MYO16: variants seen among roughly 807,000 people sequenced by gnomAD.
MYO16 encodes the protein unconventional myosin-XVI.
MYO16 carries 94 observed loss-of-function variants against 205.3 expected under a neutral mutation model. The observed-to-expected ratio is 0.46, with a 90% CI of 0.39 to 0.54. The LOEUF is 0.54. MYO16 is among the 20% of genes least tolerant of loss of function. MYO16 has a pLI of 0.00. For missense variants in MYO16, 2,315 were observed against 2,387.5 expected (o/e 0.97, Z 0.63); for synonymous variants, 988 against 954.0 (o/e 1.04, Z -0.66).
In MYO16 at chr13:108,682,391, C is replaced by T. The variant is rs559116773; in HGVS notation, c.292+16242C>T. Among the ~76,000 whole-genome samples, 44 of 151,570 alleles carry T rather than the reference C, an allele frequency of 2.9e-4. 2 individuals are homozygous for T. The highest frequency in any genetic ancestry group is 9.7e-4 in the African/African-American group (40 of 41,302). On this transcript the variant is annotated intron_variant, in intron 2 of 34. Coordinates refer to ENST00000457511, the MANE Select transcript of MYO16 (RefSeq NM_001198950.3). Reference sequence around the variant, plus strand: ...TCCCACAATGTCAGGCTTTTACTGACGTTACTTCAATCACGGGCTGCATGG... The same window carrying T: ...TCCCACAATGTCAGGCTTTTACTGATGTTACTTCAATCACGGGCTGCATGG...
chr13:108,949,621 G>C (rs117851815), intron 16 of MYO16, among the ~76,000 whole-genome samples: 1 of 152,126 alleles, frequency 6.6e-6, no homozygotes, highest in Non-Finnish European at 1.5e-5. Flanking sequence ...TATAGGTTTA[G>C]TGTAATTCCT....
chr13:108,963,689 C>A (rs1883676071), intron 19 of MYO16, among the ~76,000 whole-genome samples: 2 of 152,336 alleles, frequency 1.3e-5, no homozygotes, highest in African/African-American at 2.4e-5. Context: ...CCACTGGCAC[C>A]CTTGCCTCCA....
chr13:108,745,466 C>T (rs1219599099), intron 4 of MYO16, among the ~76,000 whole-genome samples: 1 of 151,938 alleles, frequency 6.6e-6, no homozygotes, highest in Non-Finnish European at 1.5e-5. Context: ...CAGAGAAGTA[C>T]CTGGAAGCAC....
chr13:108,797,929 T>C (rs1019985827), intron 6 of MYO16, among the ~76,000 whole-genome samples: 1 of 152,264 alleles, frequency 6.6e-6, no homozygotes, highest in Non-Finnish European at 1.5e-5. Context: ...TCAATCATTT[T>C]CAGTTTTTAC....
chr13:108,558,503 G>A, the MYO16 span, among the ~76,000 whole-genome samples: 1 of 152,228 alleles, frequency 6.6e-6, no homozygotes. Context: ...GTGGCGATGA[G>A]CATACAGTGT....
intron 20 of MYO16, among the ~76,000 whole-genome samples, chr13:108,966,210 T>A (rs1159711445): frequency 6.6e-6 from 1 of 152,212 alleles, no homozygotes; most frequent in Non-Finnish European, 1.5e-5. Flanking sequence ...TGCTATTGTT[T>A]ATTGTTATCA....
intron 31 of MYO16, among the ~76,000 whole-genome samples, chr13:109,134,146 A>T (rs1027524089): frequency 6.6e-6 from 1 of 152,218 alleles, no homozygotes; most frequent in Admixed American, 6.5e-5. Flanking sequence ...TCTGTAGAAT[A>T]GCCCTACCTA....
At chr13:109,074,820 C>A (rs532282991) in intron 27 of MYO16, among the ~76,000 whole-genome samples, 1 of 152,168 alleles carries the variant, frequency 6.6e-6, no homozygotes, top group African/African-American at 2.4e-5. Flanking sequence ...GGGGAACCAC[C>A]CCATGATCCA....
intron 28 of MYO16, among the ~76,000 whole-genome samples, chr13:109,104,612 A>G (rs893695420): frequency 6.6e-6 from 1 of 152,178 alleles, no homozygotes; most frequent in Non-Finnish European, 1.5e-5. Context: ...GTCAATTCTA[A>G]TTCTGAGGGT....
chr13:108,719,329 T>G (rs1199926051), intron 3 of MYO16, among the ~76,000 whole-genome samples: 2 of 152,194 alleles, frequency 1.3e-5, no homozygotes, highest in Non-Finnish European at 2.9e-5. Flanking sequence ...CTCACCTACT[T>G]AGAAAGTCTT....
chr13:108,888,994 G>A (rs1880036506), intron 14 of MYO16, among the ~76,000 whole-genome samples: 1 of 152,090 alleles, frequency 6.6e-6, no homozygotes, highest in African/African-American at 2.4e-5. Flanking sequence ...GGCAGAGGTT[G>A]CGGTGAGCTG....
intron 1 of MYO16, among the ~76,000 whole-genome samples, chr13:108,604,130 A>T (rs1238187757): frequency 1.3e-5 from 2 of 152,142 alleles, no homozygotes; most frequent in Middle Eastern, 3.2e-3. Context: ...ACTCACTCTC[A>T]CAAGAACAGC....
intron 24 of MYO16, chr13:109,048,614 ACTCT>A (rs1358225888): frequency 2.9e-6 from 1 of 343,154 alleles, no homozygotes; most frequent in East Asian, 4.4e-5. Flanking sequence ...TTGCTCACTC[ACTCT>A]ATCATAAAAG....
At chr13:108,921,645 C>A (rs1342396070) in intron 16 of MYO16, among the ~76,000 whole-genome samples, 1 of 152,220 alleles carries the variant, frequency 6.6e-6, no homozygotes, top group Non-Finnish European at 1.5e-5. Context: ...TCCATGACTG[C>A]AGCCATTTAG....
At chr13:108,691,305 TG>T (rs1882885779) in intron 2 of MYO16, among the ~76,000 whole-genome samples, 1 of 152,136 alleles carries the variant, frequency 6.6e-6, no homozygotes, top group Non-Finnish European at 1.5e-5. Flanking sequence ...GCCAGGTTTT[TG>T]CCTATTAGAT....
intron 1 of MYO16, among the ~76,000 whole-genome samples, chr13:108,603,723 A>G (rs1878850615): frequency 6.6e-6 from 1 of 152,206 alleles, no homozygotes; most frequent in South Asian, 2.1e-4. Context: ...GGTTAAATGA[A>G]CAAAGGCAGT....
At chr13:109,189,036 G>T (rs1488370448) in intron 34 of MYO16, among the ~76,000 whole-genome samples, 1 of 151,974 alleles carries the variant, frequency 6.6e-6, no homozygotes, top group Non-Finnish European at 1.5e-5. Context: ...GAAGGTTGCA[G>T]TGAGCAGAGA....
chr13:108,738,759 T>C (rs1197277660), intron 4 of MYO16, among the ~76,000 whole-genome samples: 1 of 152,192 alleles, frequency 6.6e-6, no homozygotes, highest in Non-Finnish European at 1.5e-5. Context: ...CCATTATTAT[T>C]GTGTGCAAGT....
At chr13:109,029,011 G>A (rs919723558) in intron 23 of MYO16, among the ~76,000 whole-genome samples, 13 of 151,676 alleles carry the variant, frequency 8.6e-5, no homozygotes, top group South Asian at 2.1e-4. Context: ...GCAGGTCCCC[G>A]AGTAGAGATC....
Sources: gnomAD v4.1 joint callset for allele counts (sites outside exome capture counted in the v4.1 genomes callset) on GRCh38, gnomAD v4.1.1 for gene constraint, MANE v1.5 for transcripts, NCBI Gene and HGNC (gene_info 2026-07-23, HGNC 2026-07-21) for gene names.